RABL3: variants seen among roughly 807,000 people sequenced by gnomAD.
RABL3 encodes the protein rab-like protein 3.
RABL3 carries 31 observed loss-of-function variants against 31.8 expected under a neutral mutation model. The observed-to-expected ratio is 0.97, with a 90% CI of 0.73 to 1.31. The LOEUF is 1.31. Among genes scored for constraint, RABL3 ranks in the 40% most tolerant of loss-of-function variants. The pLI is 0.00. For missense variants in RABL3, 263 were observed against 279.6 expected, an observed-to-expected ratio of 0.94 and a Z score of 0.42; for synonymous variants, 97 against 99.9, an observed-to-expected ratio of 0.97 and a Z score of 0.18.
intron 1 of RABL3, among the ~76,000 whole-genome samples, chr3:120,731,620 C>T (rs947836303): frequency 6.6e-6 from 1 of 152,084 alleles, no homozygotes; most frequent in African/African-American, 2.4e-5. Context: ...TTTTGGGGTT[C>T]CATTATGACA....
chr3:120,736,918 T>C (rs903088994), intron 1 of RABL3, among the ~76,000 whole-genome samples: 1 of 152,194 alleles, frequency 6.6e-6, no homozygotes, highest in Non-Finnish European at 1.5e-5. Flanking sequence ...GGGCTTCCCT[T>C]TGTGGGTAAC....
At chr3:120,741,379 T>G (rs918877675) in intron 1 of RABL3, among the ~76,000 whole-genome samples, 9 of 152,246 alleles carry the variant, frequency 5.9e-5, no homozygotes, top group Non-Finnish European at 8.8e-5. Flanking sequence ...GTGAAAACAT[T>G]CTTAACCTAT....
intron 2 of RABL3, among the ~76,000 whole-genome samples, chr3:120,710,733 A>T (rs551915484): frequency 6.6e-6 from 1 of 152,064 alleles, no homozygotes; most frequent in South Asian, 2.1e-4. Flanking sequence ...TCCTCACCAC[A>T]CAATTCAATT....
At chr3:120,700,048 GAC>G (rs1407109279) in intron 4 of RABL3, among the ~76,000 whole-genome samples, 1 of 152,122 alleles carries the variant, frequency 6.6e-6, no homozygotes, top group African/African-American at 2.4e-5. Flanking sequence ...CTTGCACACT[GAC>G]ACATATAAAG....
chr3:120,710,678 C>T (rs1401046029), intron 2 of RABL3: 2 of 152,148 alleles, frequency 1.3e-5, no homozygotes, highest in Non-Finnish European at 2.9e-5. Flanking sequence ...ACCAGTTCTC[C>T]CGTCTCTCCC....
At chr3:120,713,807 A>G (rs1160092898) in intron 2 of RABL3, among the ~76,000 whole-genome samples, 1 of 133,750 alleles carries the variant, frequency 7.5e-6, no homozygotes, top group East Asian at 2.6e-4. Flanking sequence ...ATTGTCTGTA[A>G]CTTTTTTTTT....
chr3:120,712,493 T>A (rs887932142), intron 2 of RABL3, among the ~76,000 whole-genome samples: 3 of 152,174 alleles, frequency 2.0e-5, no homozygotes, highest in African/African-American at 7.2e-5. Flanking sequence ...GAGTAAGTTA[T>A]CTGTTATGAA....
chr3:120,720,693 C>T (rs1708728540), intron 2 of RABL3, among the ~76,000 whole-genome samples: 1 of 152,106 alleles, frequency 6.6e-6, no homozygotes, highest in African/African-American at 2.4e-5. Context: ...CGTGAAAAGA[C>T]CAAATCTATG....
chr3:120,712,071 T>G (rs1168638240), intron 2 of RABL3, among the ~76,000 whole-genome samples: 7 of 152,180 alleles, frequency 4.6e-5, no homozygotes, highest in African/African-American at 1.7e-4. Flanking sequence ...ATAGATGTCA[T>G]AAAATGCACT....
rs540376966 is a variant in RABL3 at position 120,727,661 on chromosome 3, C to T, written c.138+3035G>A. ...ATTACAAGAAAAGAAAATGATGGGA[C>T]AATCTTTCCAATGAATTTAGATGCA... On this transcript the variant is annotated intron_variant, in intron 2 of 7. Coordinates refer to ENST00000273375, the MANE Select transcript of RABL3 (RefSeq NM_173825.5). Among the ~76,000 whole-genome samples the T allele has an allele frequency of 3.3e-5, 5 of 152,198 alleles. No homozygotes were observed. In the South Asian group the frequency reaches 1.0e-3, roughly 32 times the overall value.
intron 5 of RABL3, among the ~76,000 whole-genome samples, chr3:120,696,892 C>T (rs1190609513): frequency 6.6e-6 from 1 of 152,090 alleles, no homozygotes; most frequent in Non-Finnish European, 1.5e-5. Flanking sequence ...AAATGAGGGG[C>T]TCTCCGCTGC....
In RABL3 at chr3:120,709,968, C is replaced by G. The variant is rs529993190; in HGVS notation, c.139-59G>C. The G allele has an allele frequency of 3.9e-5, 50 of 1,279,080 alleles. No individual in the cohort carries two copies. The African/African-American group carries it at 6.7e-4, about 17-fold the overall frequency. 79.2% of individuals were successfully genotyped at this position (1,279,080 alleles called of 1,614,324 possible). On this transcript the variant is annotated intron_variant, in intron 2 of 7. Transcript: ENST00000273375. ...GCCACTAAACAAACTAGTAAGTACC[C>G]TTATTCCGGTTTAAAGCATTTCAGC...
intron 2 of RABL3, among the ~76,000 whole-genome samples, chr3:120,716,699 T>G (rs974168231): frequency 3.3e-5 from 5 of 151,978 alleles, no homozygotes; most frequent in Non-Finnish European, 7.4e-5. Flanking sequence ...CAATCTACAC[T>G]AATTCTGGAG....
At chr3:120,706,142 A>AGGGATTAACATTGT in intron 3 of RABL3, 28 bp from the exon 4 acceptor site, 1 of 1,378,476 alleles carries the variant, frequency 7.3e-7, no homozygotes, top group Non-Finnish European at 1.0e-6. Context: ...AACAATGTTA[A>AGGGATTAACATTGT]TCCCTTAACA....
At chr3:120,732,608 C>G (rs1708899462) in intron 1 of RABL3, among the ~76,000 whole-genome samples, 1 of 152,024 alleles carries the variant, frequency 6.6e-6, no homozygotes, top group African/African-American at 2.4e-5. Flanking sequence ...TACATGTGCA[C>G]AATGTGCAGC....
intron 6 of RABL3, among the ~76,000 whole-genome samples, chr3:120,693,225 C>T (rs1708400478): frequency 6.6e-6 from 1 of 151,718 alleles, no homozygotes. Flanking sequence ...TTCCTAGTGG[C>T]CTAATATTAA....
intron 4 of RABL3, among the ~76,000 whole-genome samples, chr3:120,700,452 A>G (rs1708481031): frequency 1.3e-5 from 2 of 152,056 alleles, no homozygotes; most frequent in South Asian, 4.1e-4. Context: ...ATAAAGTGCT[A>G]GGAGGTTGGA....
chr3:120,735,459 T>C (rs11914544), intron 1 of RABL3, among the ~76,000 whole-genome samples: 3,066 of 152,212 alleles, frequency 0.02, 45 homozygotes, highest in Non-Finnish European at 0.028. Flanking sequence ...GTCTTGCTAG[T>C]GGTCTATCAA....
At chr3:120,732,645 T>C (rs563633137) in intron 1 of RABL3, among the ~76,000 whole-genome samples, 2 of 152,300 alleles carry the variant, frequency 1.3e-5, no homozygotes, top group African/African-American at 4.8e-5. Flanking sequence ...ACATGCACCA[T>C]GTTGGTGTGC....
Sources: allele counts gnomAD v4.1 joint callset (sites outside exome capture counted in the v4.1 genomes callset), GRCh38; gene constraint gnomAD v4.1.1; transcripts MANE v1.5; gene names NCBI Gene and HGNC (gene_info 2026-07-23, HGNC 2026-07-21).